Variants in CUL5 observed in about 807,000 individuals in gnomAD.
CUL5 encodes cullin 5.
CUL5 carries 26 observed loss-of-function variants against 108.8 expected under a neutral mutation model. That is an observed-to-expected ratio of 0.24 (90% CI 0.18 to 0.33). The LOEUF (loss-of-function observed/expected upper bound fraction) is 0.33. Among genes scored for constraint, CUL5 ranks in the 10% least tolerant of loss-of-function variants. The probability of loss-of-function intolerance (pLI) is 1.00; values close to 1 mark genes in which losing one functional copy is unlikely to be tolerated. For synonymous variants in CUL5, 334 were observed against 298.0 expected (o/e 1.12, Z -1.25); for missense variants, 524 against 909.2 (o/e 0.58, Z 5.45).
At chr11:108,072,186 A>C in intron 8 of CUL5, 146 bp from the exon 9 acceptor site, 1 of 608,212 alleles carries the variant, frequency 1.6e-6, no homozygotes, top group Non-Finnish European at 2.6e-6. Flanking sequence ...CTCAAAAACA[A>C]AAAAACAACA....
intron 7 of CUL5, among the ~76,000 whole-genome samples, chr11:108,063,900 A>G (rs1379310611): frequency 1.3e-5 from 2 of 152,158 alleles, no homozygotes; most frequent in Admixed American, 1.3e-4. Context: ...AATATTTGTT[A>G]TTGCCTGTCT....
At chr11:108,060,679 T>A (rs899721137) in intron 7 of CUL5, among the ~76,000 whole-genome samples, 5 of 151,906 alleles carry the variant, frequency 3.3e-5, no homozygotes, top group African/African-American at 1.2e-4. Flanking sequence ...CTACTAAAAA[T>A]ACAAAAAATT....
chr11:108,009,431 G>A lies in CUL5; in HGVS notation c.24+59G>A, dbSNP rs1862003186. 5 of 1,580,228 alleles carry A rather than the reference G, an allele frequency of 3.2e-6. No individual in the cohort carries two copies. In the African/African-American group the frequency reaches 5.4e-5, roughly 17 times the overall value. ...GTGGCCGCCGGGTTCGGCTCTTTGGGAAAGGCACGGCTCAGGTTCAGCTGC... is the reference window on the plus strand; with the variant it reads ...GTGGCCGCCGGGTTCGGCTCTTTGGAAAAGGCACGGCTCAGGTTCAGCTGC... On this transcript the variant is annotated intron_variant, in intron 1 of 18. Transcript: ENST00000393094.
At chr11:108,064,012 G>C (rs897497022) in intron 7 of CUL5, among the ~76,000 whole-genome samples, 1 of 152,190 alleles carries the variant, frequency 6.6e-6, no homozygotes, top group Non-Finnish European at 1.5e-5. Context: ...CAATTTGGAT[G>C]CTCTTTCTTT....
At position 108,072,206 on chromosome 11, in the gene CUL5, C is replaced by T. The variant is rs537934869; in HGVS notation, c.875-126C>T. 152 of 726,954 alleles carry T rather than the reference C, an allele frequency of 2.1e-4. 1 individual carries two copies. In the South Asian group the frequency reaches 2.6e-3, roughly 12 times the overall value. The allele number at this position is 726,954 out of a possible 1,614,324, so 45.0% of individuals were successfully genotyped here. ...AAACAAAAAAACAACAACAAAAAAA[C>T]GAACAACTACTCCTAATGGCATTGT... is the stretch of plus-strand genomic sequence containing the variant. On this transcript the variant is annotated intron_variant, in intron 8 of 18. Coordinates refer to ENST00000393094, the MANE Select transcript of CUL5 (RefSeq NM_003478.6).
chr11:108,096,184 G>T (rs1269011793), intron 16 of CUL5, among the ~76,000 whole-genome samples: 1 of 151,156 alleles, frequency 6.6e-6, no homozygotes, highest in African/African-American at 2.4e-5. Context: ...CCAAGGCAGA[G>T]AAAAGTGCTT....
intron 11 of CUL5, among the ~76,000 whole-genome samples, chr11:108,082,701 A>G (rs780550418): frequency 7.2e-5 from 11 of 152,000 alleles, no homozygotes; most frequent in South Asian, 2.1e-4. Flanking sequence ...CTGGAATGCA[A>G]TGGCATGATC....
rs981150623 is a variant in CUL5 at position 108,106,451 on chromosome 11, T to A, written c.*2067T>A. The A allele has an allele frequency of 1.3e-5, 2 of 152,400 alleles. No individual in the cohort carries two copies. The highest frequency in any genetic ancestry group is 2.9e-5 in the Non-Finnish European group (2 of 67,974). 9.4% of individuals were successfully genotyped at this position (152,400 alleles called of 1,614,324 possible). The stretch of plus-strand genomic sequence containing the variant: ...CTACATTCATAGCAAAGTTTTTTAT[T>A]AAATTTTATAAATTTTTAATAGCCA... On this transcript the variant is annotated 3_prime_UTR_variant, in exon 19 of 19. Transcript: ENST00000393094.
At position 108,099,005 on chromosome 11, in the gene CUL5, C is replaced by CTTTT. The variant is rs4027717; in HGVS notation, c.2148+490_2148+493dup. Among the ~76,000 whole-genome samples, 9 of 133,150 alleles carry CTTTT rather than the reference C, an allele frequency of 6.8e-5. 1 individual carries two copies. The highest frequency in any genetic ancestry group is 2.3e-4 in the South Asian group (1 of 4,258). The allele number at this position is 133,150 out of a possible 152,430, so 87.4% of individuals were successfully genotyped here. The stretch of plus-strand genomic sequence containing the variant: ...CTATTTGAAACTTCTGGCCAGTGTA[C>CTTTT]TTTTTTTTTTTTTTTTTGAGACAGG... On this transcript the variant is annotated intron_variant, in intron 18 of 18. Transcript: ENST00000393094.
At chr11:108,067,825 AT>A (rs1165083999) in intron 7 of CUL5, among the ~76,000 whole-genome samples, 2 of 152,120 alleles carry the variant, frequency 1.3e-5, no homozygotes, top group African/African-American at 2.4e-5. Flanking sequence ...TATTCCAGTG[AT>A]GTTATAGAAT....
intron 7 of CUL5, 134 bp from the exon 8 acceptor site, chr11:108,069,962 A>G (rs772306284): frequency 1.2e-5 from 6 of 517,738 alleles, no homozygotes; most frequent in Non-Finnish European, 1.7e-5. Flanking sequence ...CAATAATCCT[A>G]TAGTTAAGGT....
intron 2 of CUL5, among the ~76,000 whole-genome samples, chr11:108,037,686 C>G (rs950539558): frequency 6.6e-6 from 1 of 152,146 alleles, no homozygotes; most frequent in African/African-American, 2.4e-5. Flanking sequence ...CCCAAACTTT[C>G]TACTGGGGGC....
At chr11:108,051,169 G>A (rs1863211061) in intron 4 of CUL5, among the ~76,000 whole-genome samples, 1 of 152,066 alleles carries the variant, frequency 6.6e-6, no homozygotes, top group African/African-American at 2.4e-5. Context: ...TGGTTCTTCA[G>A]TGATAGAAAT....
intron 1 of CUL5, among the ~76,000 whole-genome samples, chr11:108,033,413 CATAGG>C (rs1862645332): frequency 6.6e-6 from 1 of 152,158 alleles, no homozygotes; most frequent in Non-Finnish European, 1.5e-5. Context: ...TGAGCCTCTA[CATAGG>C]ATTATATAGG....
At position 108,054,804 on chromosome 11, in the gene CUL5, C is replaced by T. The variant is rs1863331164; in HGVS notation, c.699+12C>T. On this transcript the variant is annotated intron_variant, in intron 6 of 18. Coordinates refer to ENST00000393094, the MANE Select transcript of CUL5 (RefSeq NM_003478.6). Reference sequence around the variant, plus strand: ...ATTATATGAAATATGTAAGTTAGAACTTAGTATATGTGATAATTTGAGCAA... The same window carrying T: ...ATTATATGAAATATGTAAGTTAGAATTTAGTATATGTGATAATTTGAGCAA... 6.2e-7 allele frequency: 1 copy of T among 1,605,944 alleles called. No individual in the cohort carries two copies.
At chr11:108,094,206 C>T (rs932965486) in intron 13 of CUL5, among the ~76,000 whole-genome samples, 185 bp from the exon 14 acceptor site, 2 of 151,926 alleles carry the variant, frequency 1.3e-5, no homozygotes, top group Non-Finnish European at 2.9e-5. Context: ...AAGCAGGGAC[C>T]CCTTGTAATA....
chr11:108,066,743 T>G (rs1325463799), intron 7 of CUL5, among the ~76,000 whole-genome samples: 2 of 152,242 alleles, frequency 1.3e-5, no homozygotes, highest in Non-Finnish European at 2.9e-5. Context: ...CAGCACAGTC[T>G]TTATAGCTGT....
At chr11:108,097,247 C>A (rs1272923267) in intron 16 of CUL5, among the ~76,000 whole-genome samples, 7 of 152,178 alleles carry the variant, frequency 4.6e-5, no homozygotes, top group Admixed American at 4.6e-4. Context: ...GACTCCTGAG[C>A]TCAAGTAATC....
chr11:108,022,308 C>A (rs906691961), intron 1 of CUL5, among the ~76,000 whole-genome samples: 1 of 152,052 alleles, frequency 6.6e-6, no homozygotes, highest in Non-Finnish European at 1.5e-5. Flanking sequence ...AAAAATGATT[C>A]TATTGAATCA....
Sources: gnomAD v4.1 joint callset for allele counts (sites outside exome capture counted in the v4.1 genomes callset) on GRCh38, gnomAD v4.1.1 for gene constraint, MANE v1.5 for transcripts, NCBI Gene and HGNC (gene_info 2026-07-23, HGNC 2026-07-21) for gene names.